The following EYS variants were observed in gnomAD, a reference collection of about 807,000 sequenced individuals.
The protein encoded by EYS is protein eyes shut homolog.
A neutral mutation model predicts 282.1 loss-of-function variants in EYS; 250 were observed. The ratio of observed to expected loss-of-function variants is 0.89; its 90% CI spans 0.80 to 0.98. EYS has a LOEUF of 0.98. Ranked by LOEUF, EYS falls within the 50% of genes least tolerant of loss-of-function variation. EYS has a pLI of 0.00. For missense variants in EYS, 4,016 were observed against 3,709.0 expected (o/e 1.08, Z -2.15); for synonymous variants, 1,355 against 1,282.9 (o/e 1.06, Z -1.20).
chr6:64,982,362 C>T (rs1311655653), intron 14 of EYS, among the ~76,000 whole-genome samples: 1 of 151,342 alleles, frequency 6.6e-6, no homozygotes, highest in African/African-American at 2.4e-5. Flanking sequence ...TATGCCAACA[C>T]TTTAGATTAC....
intron 12 of EYS, among the ~76,000 whole-genome samples, chr6:65,122,429 G>T (rs1287833961): frequency 1.3e-5 from 2 of 152,044 alleles, no homozygotes; most frequent in African/African-American, 4.8e-5. Context: ...ATAATAAGGT[G>T]AAAGTTATGA....
intron 19 of EYS, among the ~76,000 whole-genome samples, chr6:64,854,636 A>T (rs764751368): frequency 6.6e-5 from 10 of 151,598 alleles, no homozygotes; most frequent in Non-Finnish European, 1.2e-4. Flanking sequence ...GGATATACCT[A>T]ATGTTAAATG....
chr6:65,157,691 T>C (rs1764759770), intron 12 of EYS, among the ~76,000 whole-genome samples: 1 of 150,750 alleles, frequency 6.6e-6, no homozygotes, highest in African/African-American at 2.4e-5. Context: ...CTTAAAATAT[T>C]ATATCTATTT....
At chr6:64,250,669 C>T (rs1036018136) in intron 30 of EYS, among the ~76,000 whole-genome samples, 1 of 152,006 alleles carries the variant, frequency 6.6e-6, no homozygotes, top group East Asian at 1.9e-4. Flanking sequence ...ACAAATTTAC[C>T]GATAAATTCG....
intron 22 of EYS, among the ~76,000 whole-genome samples, chr6:64,789,757 G>T (rs1288041686): frequency 6.6e-6 from 1 of 151,672 alleles, no homozygotes; most frequent in African/African-American, 2.4e-5. Context: ...AAGAATCCTT[G>T]TGTCTTTTCC....
chr6:64,002,837 C>T (rs1038317), intron 33 of EYS, among the ~76,000 whole-genome samples: 41,093 of 152,116 alleles, frequency 0.27, 6,237 homozygotes, highest in Middle Eastern at 0.37. Context: ...TGCGCCTGGC[C>T]TGAGGATGAT....
intron 27 of EYS, among the ~76,000 whole-genome samples, chr6:64,436,672 A>T (rs1355840612): frequency 6.6e-6 from 1 of 151,878 alleles, no homozygotes; most frequent in Non-Finnish European, 1.5e-5. Context: ...ACAGGAAGGC[A>T]AACTTCAAGA....
At chr6:64,395,183 G>T (rs1418764544) in intron 28 of EYS, among the ~76,000 whole-genome samples, 2 of 152,012 alleles carry the variant, frequency 1.3e-5, no homozygotes, top group African/African-American at 2.4e-5. Context: ...CACTGTTGGT[G>T]GGACTGTAAA....
intron 15 of EYS, among the ~76,000 whole-genome samples, chr6:64,923,903 G>A (rs1768431221): frequency 8.2e-6 from 1 of 121,310 alleles, no homozygotes; most frequent in Non-Finnish European, 1.8e-5. Context: ...TCACAGGCTG[G>A]CATTGTCTGT....
chr6:63,898,637 A>G (rs1332090892), intron 35 of EYS, among the ~76,000 whole-genome samples: 1 of 152,122 alleles, frequency 6.6e-6, no homozygotes, highest in Non-Finnish European at 1.5e-5. Context: ...TTAATCTATA[A>G]AAAAAGAAGT....
intron 30 of EYS, among the ~76,000 whole-genome samples, chr6:64,278,728 C>CTT: frequency 6.6e-6 from 1 of 151,962 alleles, no homozygotes; most frequent in African/African-American, 2.4e-5. Flanking sequence ...CTCTCTCTCT[C>CTT]TCTCTCTCTC....
At chr6:65,160,296 T>C (rs575878511) in intron 12 of EYS, among the ~76,000 whole-genome samples, 1 of 151,044 alleles carries the variant, frequency 6.6e-6, no homozygotes, top group African/African-American at 2.4e-5. Flanking sequence ...ATAGGAAATG[T>C]ATTAGAGAGA....
chr6:64,521,768 A>T (rs1380056643), intron 26 of EYS, among the ~76,000 whole-genome samples: 1 of 151,692 alleles, frequency 6.6e-6, no homozygotes, highest in Admixed American at 6.6e-5. Flanking sequence ...ATATTTTACT[A>T]TTTTACTGCT....
At chr6:64,472,350 C>T (rs1443184616) in intron 26 of EYS, among the ~76,000 whole-genome samples, 1 of 152,124 alleles carries the variant, frequency 6.6e-6, no homozygotes, top group Non-Finnish European at 1.5e-5. Flanking sequence ...TGGCCCATTA[C>T]AGATTGATTT....
At chr6:63,876,986 T>G (rs2149715850) in intron 35 of EYS, among the ~76,000 whole-genome samples, 1 of 152,304 alleles carries the variant, frequency 6.6e-6, no homozygotes, top group African/African-American at 2.4e-5. Flanking sequence ...TTAATATTGT[T>G]ATGTGTGAAT....
chr6:64,631,355 A>C (rs180777073), intron 22 of EYS: 85 of 152,272 alleles, frequency 5.6e-4, no homozygotes, highest in African/African-American at 2.0e-3. Flanking sequence ...GAAGTAAATG[A>C]AATCATTTTG....
At chr6:65,618,218 T>C (rs1766295485) in intron 2 of EYS, among the ~76,000 whole-genome samples, 6 of 152,358 alleles carry the variant, frequency 3.9e-5, no homozygotes, top group Admixed American at 3.9e-4. Context: ...GCACCTGTTG[T>C]TTCCTGAATT....
intron 29 of EYS, among the ~76,000 whole-genome samples, chr6:64,368,198 GC>G (rs1772242378): frequency 6.6e-6 from 1 of 152,074 alleles, no homozygotes; most frequent in African/African-American, 2.4e-5. Context: ...GTGGTGTTTG[GC>G]TTTCTGTTCC....
At chr6:64,390,583 C>A (rs1773089185) in intron 28 of EYS, among the ~76,000 whole-genome samples, 1 of 150,502 alleles carries the variant, frequency 6.6e-6, no homozygotes, top group African/African-American at 2.5e-5. Flanking sequence ...AGAAGGAAAA[C>A]TAACAAACAG....
Sources: allele counts gnomAD v4.1 joint callset (sites outside exome capture counted in the v4.1 genomes callset), GRCh38; gene constraint gnomAD v4.1.1; transcripts MANE v1.5; gene names NCBI Gene and HGNC (gene_info 2026-07-23, HGNC 2026-07-21).